Variants in SORCS1 observed in about 807,000 individuals in gnomAD.
SORCS1 encodes the protein sortilin related VPS10 domain containing receptor 1.
Under a neutral mutation model 146.1 loss-of-function variants are expected in SORCS1, and 60 were observed. The ratio of observed to expected loss-of-function variants is 0.41; its 90% CI spans 0.33 to 0.51. The LOEUF is 0.51. SORCS1 is among the 20% of genes least tolerant of loss of function. The probability of loss-of-function intolerance (pLI) is 0.21; values close to 1 mark genes in which losing one functional copy is unlikely to be tolerated. For missense variants in SORCS1, 1,352 were observed against 1,487.6 expected (o/e 0.91, Z 1.50); for synonymous variants, 637 against 584.0 (o/e 1.09, Z -1.31).
At position 106,957,666 on chromosome 10, in the gene SORCS1, C is replaced by A. The variant is rs527723814; in HGVS notation, c.559-1086G>T. ...ACCGTGTAATATATTTCTTATGGAA[C>A]CCTCCATAAGAAACAGAGAAAATCA... On this transcript the variant is annotated intron_variant, in intron 1 of 25. Transcript: ENST00000263054. Among the ~76,000 whole-genome samples, 3 of 152,152 alleles carry A rather than the reference C, an allele frequency of 2.0e-5. No homozygotes were observed. In the East Asian group the frequency reaches 5.8e-4, roughly 29 times the overall value.
chr10:106,931,888 G>A (rs1332397902), intron 2 of SORCS1, among the ~76,000 whole-genome samples: 2 of 152,102 alleles, frequency 1.3e-5, no homozygotes, highest in African/African-American at 2.4e-5. Flanking sequence ...AAACAAAAGG[G>A]TAATAGGAGA....
intron 18 of SORCS1, 30 bp from the exon 19 acceptor site, chr10:106,629,418 G>A: frequency 1.9e-6 from 3 of 1,610,178 alleles, no homozygotes; most frequent in African/African-American, 1.3e-5. Context: ...CAGAGGAAAT[G>A]AGTTAGTATT....
At chr10:106,580,145 G>A (rs1037774805) in intron 24 of SORCS1, among the ~76,000 whole-genome samples, 8 of 152,124 alleles carry the variant, frequency 5.3e-5, no homozygotes, top group Admixed American at 2.0e-4. Context: ...AAGTGATGGA[G>A]CATGCTTGTA....
At chr10:106,802,770 A>C (rs1027358855) in intron 3 of SORCS1, among the ~76,000 whole-genome samples, 2 of 151,676 alleles carry the variant, frequency 1.3e-5, no homozygotes, top group Admixed American at 6.6e-5. Flanking sequence ...AAGTGCTGGA[A>C]TTACAGGCGT....
At chr10:107,126,678 G>A (rs189042227) in intron 1 of SORCS1, among the ~76,000 whole-genome samples, 105 of 152,188 alleles carry the variant, frequency 6.9e-4, no homozygotes, top group African/African-American at 2.4e-3. Context: ...AAGGAGAGGG[G>A]ACACAACAGT....
chr10:106,782,889 T>C (rs1043071433), intron 3 of SORCS1, among the ~76,000 whole-genome samples: 4 of 152,220 alleles, frequency 2.6e-5, no homozygotes, highest in Non-Finnish European at 5.9e-5. Flanking sequence ...GGAAGAGCCA[T>C]AACCTAATCC....
At chr10:106,830,327 A>C (rs1247992138) in intron 2 of SORCS1, among the ~76,000 whole-genome samples, 4 of 152,180 alleles carry the variant, frequency 2.6e-5, no homozygotes, top group African/African-American at 9.7e-5. Flanking sequence ...ACTCGGATTA[A>C]ATAAATTGCT....
intron 1 of SORCS1, among the ~76,000 whole-genome samples, chr10:107,107,496 C>T (rs1965387774): frequency 6.6e-6 from 1 of 152,170 alleles, no homozygotes; most frequent in Admixed American, 6.5e-5. Context: ...AATCTTTAAA[C>T]AAAGCACTGA....
At chr10:106,766,566 T>G (rs746142751) in intron 4 of SORCS1, among the ~76,000 whole-genome samples, 1 of 152,128 alleles carries the variant, frequency 6.6e-6, no homozygotes, top group South Asian at 2.1e-4. Flanking sequence ...CCACGACCCA[T>G]GCAAAGGGGA....
At chr10:106,916,581 C>T (rs1011836764) in intron 2 of SORCS1, among the ~76,000 whole-genome samples, 21 of 147,324 alleles carry the variant, frequency 1.4e-4, no homozygotes, top group African/African-American at 5.0e-4. Context: ...TATATACACA[C>T]ACACACACAC....
chr10:107,022,370 T>C (rs1347992566), intron 1 of SORCS1, among the ~76,000 whole-genome samples: 1 of 152,172 alleles, frequency 6.6e-6, no homozygotes, highest in Non-Finnish European at 1.5e-5. Flanking sequence ...TGAGGTCCAG[T>C]GGCAGCTGTA....
chr10:107,136,637 C>T (rs747525214), intron 1 of SORCS1, among the ~76,000 whole-genome samples: 44 of 152,298 alleles, frequency 2.9e-4, no homozygotes, highest in Non-Finnish European at 2.8e-4. Flanking sequence ...GCTGTTTTAA[C>T]TGCCTCACAT....
intron 2 of SORCS1, among the ~76,000 whole-genome samples, chr10:106,873,350 T>C (rs182280822): frequency 2.6e-5 from 4 of 152,074 alleles, no homozygotes; most frequent in Non-Finnish European, 5.9e-5. Context: ...TTCCTTGATA[T>C]TTATATTCCT....
chr10:107,031,213 G>A (rs1958638173), intron 1 of SORCS1, among the ~76,000 whole-genome samples: 1 of 152,142 alleles, frequency 6.6e-6, no homozygotes. Context: ...TGGACCATGA[G>A]AATTATTACA....
intron 1 of SORCS1, among the ~76,000 whole-genome samples, chr10:107,150,990 C>T (rs996500266): frequency 2.0e-5 from 3 of 152,042 alleles, no homozygotes; most frequent in Non-Finnish European, 2.9e-5. Flanking sequence ...TAAATTAGTA[C>T]TGAGTAGTGG....
At chr10:106,643,554 G>A (rs943975231) in intron 18 of SORCS1, among the ~76,000 whole-genome samples, 1 of 152,264 alleles carries the variant, frequency 6.6e-6, no homozygotes, top group Non-Finnish European at 1.5e-5. Flanking sequence ...TTGGTGCTCT[G>A]CACCAGGAGA....
At chr10:106,789,437 G>A (rs1360131161) in intron 3 of SORCS1, among the ~76,000 whole-genome samples, 1 of 152,146 alleles carries the variant, frequency 6.6e-6, no homozygotes, top group Non-Finnish European at 1.5e-5. Flanking sequence ...ATGCTTTGCT[G>A]CTTTGAAATT....
At chr10:106,818,654 A>T (rs1947863654) in intron 3 of SORCS1, among the ~76,000 whole-genome samples, 1 of 152,154 alleles carries the variant, frequency 6.6e-6, no homozygotes, top group African/African-American at 2.4e-5. Context: ...TCCAGCTGGA[A>T]TTTTTTAGGG....
At chr10:106,929,883 A>G (rs529657892) in intron 2 of SORCS1, among the ~76,000 whole-genome samples, 3 of 152,354 alleles carry the variant, frequency 2.0e-5, no homozygotes, top group African/African-American at 4.8e-5. Flanking sequence ...TCCTAAACTA[A>G]TATTTCGAAT....
Sources: allele counts gnomAD v4.1 joint callset (sites outside exome capture counted in the v4.1 genomes callset), GRCh38; gene constraint gnomAD v4.1.1; transcripts MANE v1.5; gene names NCBI Gene and HGNC (gene_info 2026-07-23, HGNC 2026-07-21).